The following SNX30 variants were observed in gnomAD, a reference collection of about 807,000 sequenced individuals.
SNX30 encodes sorting nexin family member 30.
In SNX30, 24 loss-of-function variants were observed where a neutral mutation model predicts 46.4. The ratio of observed to expected loss-of-function variants is 0.52; its 90% CI spans 0.37 to 0.73. The LOEUF (loss-of-function observed/expected upper bound fraction) is 0.73, where lower values mean the gene tolerates loss of function less well. Among genes scored for constraint, SNX30 ranks in the 30% least tolerant of loss-of-function variants. SNX30 has a pLI of 0.00. For synonymous variants in SNX30, 189 were observed against 211.5 expected (o/e 0.89, Z 0.92); for missense variants, 533 against 555.7 (o/e 0.96, Z 0.41).
intron 7 of SNX30, among the ~76,000 whole-genome samples, chr9:112,863,911 G>T (rs746340980): frequency 6.6e-6 from 1 of 152,230 alleles, no homozygotes; most frequent in Non-Finnish European, 1.5e-5. Flanking sequence ...ACACTTTCAA[G>T]TGTGGATGAG....
Position 112,822,536 on chromosome 9 carries a change from G to GTTTTTTTTTT in SNX30, c.459+4725_459+4726insTTTTTTTTTT, listed in dbSNP as rs139781990. On this transcript the variant is annotated intron_variant, in intron 3 of 8. Transcript: ENST00000374232. ...TTTTCTTTTGTCCCTTTGCTGTTTT[G>GTTTTTTTTTT]TTTTGTTTTTTTTTTTTGTAAGAAC... Among the ~76,000 whole-genome samples the GTTTTTTTTTT allele has an allele frequency of 6.9e-4, 85 of 123,674 alleles. 11 individuals carry two copies. The highest frequency in any genetic ancestry group is 4.7e-3 in the Middle Eastern group (1 of 212). The allele number at this position is 123,674 out of a possible 152,430, so 81.1% of individuals were successfully genotyped here.
downstream of SNX30, among the ~76,000 whole-genome samples, chr9:112,883,700 CTTTT>C (rs71384287): frequency 8.2e-6 from 1 of 121,328 alleles, no homozygotes; most frequent in Non-Finnish European, 1.7e-5. Context: ...TTTTTCTTTT[CTTTT>C]TTTTTTTTTT....
intron 2 of SNX30, among the ~76,000 whole-genome samples, chr9:112,811,365 A>T (rs998578088): frequency 1.3e-5 from 2 of 152,146 alleles, no homozygotes; most frequent in Non-Finnish European, 2.9e-5. Flanking sequence ...GAGTGACTCA[A>T]TTGTAAATTT....
intron 3 of SNX30, among the ~76,000 whole-genome samples, chr9:112,827,027 C>A (rs994913064): frequency 1.3e-5 from 2 of 152,212 alleles, no homozygotes; most frequent in African/African-American, 4.8e-5. Context: ...CTCTATTCCC[C>A]TCTCTTCTTT....
chr9:112,847,814 G>A (rs150699183), intron 6 of SNX30, among the ~76,000 whole-genome samples: 106 of 152,202 alleles, frequency 7.0e-4, no homozygotes, highest in Middle Eastern at 3.4e-3. Flanking sequence ...TGAGTGTGAG[G>A]CCCTCCTTGG....
Position 112,871,105 on chromosome 9 carries a change from C to T in SNX30, c.*2262C>T, listed in dbSNP as rs1305800852. The T allele has an allele frequency of 6.6e-6, 1 of 152,250 alleles. No individual in the cohort carries two copies. The highest frequency in any genetic ancestry group is 1.5e-5 in the Non-Finnish European group (1 of 68,076). The allele number at this position is 152,250 out of a possible 1,614,324, so 9.4% of individuals were successfully genotyped here. The stretch of plus-strand genomic sequence containing the variant: ...ATGGCTGGCTCTGAAGGGAGGCAGG[C>T]ACCGTGGGATTTGGGCTTGCTCTGC... On this transcript the variant is annotated 3_prime_UTR_variant, in exon 9 of 9. Coordinates refer to ENST00000374232, the MANE Select transcript of SNX30 (RefSeq NM_001012994.2).
At chr9:112,762,927 C>T (rs183954443) in intron 1 of SNX30, among the ~76,000 whole-genome samples, 54 of 152,344 alleles carry the variant, frequency 3.5e-4, no homozygotes, top group East Asian at 1.9e-4. Flanking sequence ...GGTCTTCAAA[C>T]AGCAGCTCTC....
intron 6 of SNX30, among the ~76,000 whole-genome samples, chr9:112,847,763 G>A (rs900306717): frequency 1.3e-4 from 20 of 152,190 alleles, no homozygotes; most frequent in African/African-American, 4.6e-4. Flanking sequence ...ATAAGTGTCC[G>A]AGAGGAATTT....
At chr9:112,776,834 T>A (rs1416685449) in intron 1 of SNX30, among the ~76,000 whole-genome samples, 1 of 152,218 alleles carries the variant, frequency 6.6e-6, no homozygotes, top group East Asian at 1.9e-4. Flanking sequence ...GGATGGACCC[T>A]TCTGAACTAA....
intron 8 of SNX30, among the ~76,000 whole-genome samples, chr9:112,867,414 C>CTCCTCAGAACTCCTCCTCCT (rs1216027954): frequency 6.7e-6 from 1 of 149,984 alleles, no homozygotes; most frequent in Non-Finnish European, 1.5e-5. Context: ...TTCCTCCTCC[C>CTCCTCAGAACTCCTCCTCCT]TCCTCAGAAC....
chr9:112,851,659 A>AT (rs1841029990), intron 7 of SNX30, among the ~76,000 whole-genome samples: 1 of 152,214 alleles, frequency 6.6e-6, no homozygotes, highest in Admixed American at 6.5e-5. Context: ...AGAAAGAGTA[A>AT]TTCGTGCAGA....
chr9:112,757,060 C>T (rs1839361426), intron 1 of SNX30, among the ~76,000 whole-genome samples: 1 of 152,186 alleles, frequency 6.6e-6, no homozygotes, highest in Non-Finnish European at 1.5e-5. Flanking sequence ...ATTAATAACT[C>T]TAGTCCTCAT....
chr9:112,838,792 G>C, intron 6 of SNX30, 95 bp downstream of exon 6: 1 of 1,236,442 alleles, frequency 8.1e-7, no homozygotes, highest in Non-Finnish European at 1.1e-6. Context: ...TGTGATATAA[G>C]TTTCCTTCTT....
At chr9:112,790,750 A>G (rs1055150856) in intron 1 of SNX30, among the ~76,000 whole-genome samples, 2 of 152,228 alleles carry the variant, frequency 1.3e-5, no homozygotes, top group Non-Finnish European at 2.9e-5. Context: ...TTCCCAGAAC[A>G]TTTAGTAAAT....
At chr9:112,804,746 T>C in intron 1 of SNX30, 30 bp from the exon 2 acceptor site, 1 of 1,568,728 alleles carries the variant, frequency 6.4e-7, no homozygotes, top group Non-Finnish European at 8.7e-7. Context: ...TGTTTTCATT[T>C]AATTTTAAGG....
intron 1 of SNX30, among the ~76,000 whole-genome samples, chr9:112,790,246 C>T (rs1371919733): frequency 6.6e-6 from 1 of 152,236 alleles, no homozygotes; most frequent in Non-Finnish European, 1.5e-5. Flanking sequence ...ATATTCCCTA[C>T]TTTTTATATC....
At chr9:112,840,336 T>C (rs60989307) in intron 6 of SNX30, among the ~76,000 whole-genome samples, 27,555 of 152,290 alleles carry the variant, frequency 0.18, 3,499 homozygotes, top group African/African-American at 0.36. Context: ...GCTCATTCTC[T>C]TGTATCACAT....
At chr9:112,865,172 CA>C (rs1841303590) in intron 8 of SNX30, among the ~76,000 whole-genome samples, 2 of 143,926 alleles carry the variant, frequency 1.4e-5, no homozygotes, top group African/African-American at 5.2e-5. Flanking sequence ...ACAACCCCCC[CA>C]CACACGACAC....
chr9:112,769,866 C>G (rs1839617807), intron 1 of SNX30, among the ~76,000 whole-genome samples: 2 of 152,176 alleles, frequency 1.3e-5, no homozygotes, highest in African/African-American at 4.8e-5. Context: ...ATCTAGCTCA[C>G]TCTTAATTCC....
Sources: gnomAD v4.1 joint callset for allele counts (sites outside exome capture counted in the v4.1 genomes callset) on GRCh38, gnomAD v4.1.1 for gene constraint, MANE v1.5 for transcripts, NCBI Gene and HGNC (gene_info 2026-07-23, HGNC 2026-07-21) for gene names.